The following GABRB1 variants were observed in gnomAD, a reference collection of about 807,000 sequenced individuals.
The protein encoded by GABRB1 is gamma-aminobutyric acid receptor subunit beta-1.
GABRB1 carries 17 observed loss-of-function variants against 51.6 expected under a neutral mutation model. The ratio of observed to expected loss-of-function variants is 0.33; its 90% CI spans 0.23 to 0.49. GABRB1 has a LOEUF of 0.49. Ranked by LOEUF, GABRB1 falls within the 20% of genes least tolerant of loss-of-function variation. The pLI, the probability that GABRB1 is intolerant of heterozygous loss-of-function variation, is 0.99. For missense variants in GABRB1, 410 were observed against 600.6 expected (o/e 0.68, Z 3.32); for synonymous variants, 247 against 218.9 (o/e 1.13, Z -1.14).
intron 3 of GABRB1, among the ~76,000 whole-genome samples, chr4:47,116,580 G>T (rs1181318637): frequency 6.6e-6 from 1 of 152,062 alleles, no homozygotes; most frequent in Non-Finnish European, 1.5e-5. Context: ...AAATTAGTTT[G>T]GCTGTTAAGT....
At chr4:47,292,837 G>A (rs977038071) in intron 4 of GABRB1, among the ~76,000 whole-genome samples, 1 of 152,182 alleles carries the variant, frequency 6.6e-6, no homozygotes, top group Admixed American at 6.5e-5. Flanking sequence ...GAGAGGGAGG[G>A]AGGGGGCTGA....
At chr4:47,032,781 T>C (rs1418393100) in intron 3 of GABRB1, 1 of 605,178 alleles carries the variant, frequency 1.7e-6, no homozygotes, top group Non-Finnish European at 3.2e-6. Flanking sequence ...TAGCTGGGTT[T>C]CCCTGCGTGT....
intron 8 of GABRB1, among the ~76,000 whole-genome samples, chr4:47,419,117 A>C (rs1295839740): frequency 6.6e-6 from 1 of 152,212 alleles, no homozygotes; most frequent in African/African-American, 2.4e-5. Flanking sequence ...CTCCATAACA[A>C]CGTAAACACC....
intron 3 of GABRB1, among the ~76,000 whole-genome samples, chr4:47,105,636 C>T (rs550024375): frequency 6.6e-6 from 1 of 152,238 alleles, no homozygotes; most frequent in African/African-American, 2.4e-5. Flanking sequence ...GTGCAACAGG[C>T]TTCATGTCTC....
chr4:47,040,082 T>A (rs1485584389), intron 3 of GABRB1, among the ~76,000 whole-genome samples: 2 of 152,124 alleles, frequency 1.3e-5, no homozygotes, highest in African/African-American at 4.8e-5. Flanking sequence ...CTCTTGGCTT[T>A]AAAAAAATCT....
At chr4:47,230,323 C>A (rs1450318159) in intron 4 of GABRB1, among the ~76,000 whole-genome samples, 1 of 152,062 alleles carries the variant, frequency 6.6e-6, no homozygotes, top group East Asian at 1.9e-4. Flanking sequence ...CTCACTGATT[C>A]TTCCCATAAA....
At chr4:47,312,318 A>T (rs761959966) in intron 4 of GABRB1, among the ~76,000 whole-genome samples, 8 of 152,230 alleles carry the variant, frequency 5.3e-5, no homozygotes, top group Non-Finnish European at 1.2e-4. Context: ...TTCAAATACC[A>T]ATGTATTTTT....
chr4:47,410,146 G>A (rs544932498), intron 8 of GABRB1, among the ~76,000 whole-genome samples: 1 of 152,306 alleles, frequency 6.6e-6, no homozygotes, highest in East Asian at 1.9e-4. Context: ...ACTGTCAGAA[G>A]ACAATGCTTA....
At chr4:47,382,981 C>T (rs1727646753) in intron 5 of GABRB1, among the ~76,000 whole-genome samples, 1 of 152,198 alleles carries the variant, frequency 6.6e-6, no homozygotes, top group African/African-American at 2.4e-5. Context: ...TTAATGTGCC[C>T]AACATGCCTA....
chr4:47,224,673 A>G (rs907135982), intron 4 of GABRB1, among the ~76,000 whole-genome samples: 2 of 152,136 alleles, frequency 1.3e-5, no homozygotes, highest in African/African-American at 2.4e-5. Flanking sequence ...GCCAGGACAG[A>G]CATGGAAGGC....
At chr4:47,385,301 C>T (rs763986166) in intron 5 of GABRB1, among the ~76,000 whole-genome samples, 42 of 152,266 alleles carry the variant, frequency 2.8e-4, no homozygotes, top group Non-Finnish European at 4.4e-4. Context: ...TATTTGGTTA[C>T]AGTACTGTGA....
chr4:47,166,078 C>T (rs913971903), intron 4 of GABRB1, among the ~76,000 whole-genome samples: 3 of 151,808 alleles, frequency 2.0e-5, no homozygotes, highest in African/African-American at 4.8e-5. Context: ...CATCTTATTT[C>T]GCCTAGAAAA....
chr4:47,408,433 T>C (rs751906325), intron 8 of GABRB1, among the ~76,000 whole-genome samples: 14 of 152,198 alleles, frequency 9.2e-5, no homozygotes, highest in Non-Finnish European at 1.8e-4. Flanking sequence ...TGCTCTTTAG[T>C]AGGACGAAAG....
At chr4:47,289,706 A>C (rs1325050980) in intron 4 of GABRB1, among the ~76,000 whole-genome samples, 1 of 152,198 alleles carries the variant, frequency 6.6e-6, no homozygotes, top group Non-Finnish European at 1.5e-5. Flanking sequence ...AAGATGCTTT[A>C]TTGGCCTTAC....
intron 4 of GABRB1, among the ~76,000 whole-genome samples, chr4:47,297,366 AC>A (rs1724044302): frequency 1.8e-5 from 2 of 109,948 alleles, no homozygotes; most frequent in Non-Finnish European, 3.8e-5. Flanking sequence ...CGCTAGCAAG[AC>A]TAATAAAGAA....
chr4:47,147,815 A>G (rs1016150799), intron 3 of GABRB1, among the ~76,000 whole-genome samples: 7 of 152,114 alleles, frequency 4.6e-5, no homozygotes, highest in African/African-American at 1.7e-4. Context: ...ACCAAGACCA[A>G]GGTGGCTGGA....
intron 1 of GABRB1, among the ~76,000 whole-genome samples, chr4:46,998,732 T>TAAAAAAAAAA (rs1031492003): frequency 6.0e-5 from 4 of 66,414 alleles, no homozygotes; most frequent in African/African-American, 1.7e-4. Flanking sequence ...AGACTCTGTC[T>TAAAAAAAAAA]AAAAAAAAAA....
chr4:47,075,345 C>T (rs769585852), intron 3 of GABRB1, among the ~76,000 whole-genome samples: 38 of 152,060 alleles, frequency 2.5e-4, no homozygotes, highest in Non-Finnish European at 4.7e-4. Flanking sequence ...TACCGGATGC[C>T]GTTACAGTAA....
chr4:47,240,987 C>T (rs544608654), intron 4 of GABRB1, among the ~76,000 whole-genome samples: 96 of 152,104 alleles, frequency 6.3e-4, no homozygotes, highest in African/African-American at 2.3e-3. Flanking sequence ...CAGAAAAAGC[C>T]ACAGAAAATC....
Sources: gnomAD v4.1 joint callset for allele counts (sites outside exome capture counted in the v4.1 genomes callset) on GRCh38, gnomAD v4.1.1 for gene constraint, MANE v1.5 for transcripts, NCBI Gene and HGNC (gene_info 2026-07-23, HGNC 2026-07-21) for gene names.